RBFOX1: variants seen among roughly 807,000 people sequenced by gnomAD.
RBFOX1 encodes the protein RNA binding fox-1 homolog 1.
RBFOX1 carries 8 observed loss-of-function variants against 57.7 expected under a neutral mutation model. That is an observed-to-expected ratio of 0.14 (90% CI 0.08 to 0.25). The LOEUF is 0.25. Among genes scored for constraint, RBFOX1 ranks in the 10% least tolerant of loss-of-function variants. The pLI is 1.00. For missense variants in RBFOX1, 611 were observed against 548.5 expected (o/e 1.11, Z -1.14); for synonymous variants, 326 against 222.4 (o/e 1.47, Z -4.15).
At chr16:7,053,142 C>A (rs1476630824) in intron 4 of RBFOX1, among the ~76,000 whole-genome samples, 2 of 152,184 alleles carry the variant, frequency 1.3e-5, no homozygotes, top group African/African-American at 2.4e-5. Flanking sequence ...GAGTTGCTTC[C>A]ATTTCACAGT....
intron 3 of RBFOX1, among the ~76,000 whole-genome samples, chr16:6,973,993 G>A (rs1397933512): frequency 6.6e-6 from 1 of 152,070 alleles, no homozygotes; most frequent in Non-Finnish European, 1.5e-5. Context: ...TGTTCTCATT[G>A]TTCAGCTCTC....
At chr16:6,265,940 G>T (rs1271026865) in intron 1 of RBFOX1, among the ~76,000 whole-genome samples, 1 of 152,048 alleles carries the variant, frequency 6.6e-6, no homozygotes, top group Non-Finnish European at 1.5e-5. Flanking sequence ...ATCCTTCCTG[G>T]TATTGTGGGT....
chr16:6,463,873 C>T (rs1456149672), intron 2 of RBFOX1, among the ~76,000 whole-genome samples: 2 of 152,024 alleles, frequency 1.3e-5, no homozygotes, highest in African/African-American at 4.8e-5. Flanking sequence ...GCTCTCGCGC[C>T]CACCATGACC....
chr16:6,081,933 A>C (rs1006329762), intron 1 of RBFOX1, among the ~76,000 whole-genome samples: 3 of 152,134 alleles, frequency 2.0e-5, no homozygotes, highest in Non-Finnish European at 2.9e-5. Flanking sequence ...GTCCTGCATG[A>C]GTGGCTGGGA....
At chr16:5,877,988 C>A (rs2057659183) in intron 4 of RBFOX1, among the ~76,000 whole-genome samples, 1 of 152,196 alleles carries the variant, frequency 6.6e-6, no homozygotes. Context: ...TTGAGTCCCA[C>A]CTCCTACCTC....
At chr16:6,686,688 G>A (rs77199386) in intron 3 of RBFOX1, among the ~76,000 whole-genome samples, 3,251 of 152,194 alleles carry the variant, frequency 0.021, 57 homozygotes, top group Middle Eastern at 0.041. Flanking sequence ...CTTCTTTAAT[G>A]CTAAGGGAAC....
chr16:5,680,914 C>T (rs1414989147), intron 3 of RBFOX1, among the ~76,000 whole-genome samples: 1 of 150,462 alleles, frequency 6.6e-6, no homozygotes, highest in Admixed American at 6.7e-5. Context: ...TGTGTGTGTG[C>T]TTGGTTGGGG....
intron 3 of RBFOX1, among the ~76,000 whole-genome samples, chr16:6,746,011 A>T (rs182559198): frequency 4.6e-5 from 7 of 152,364 alleles, no homozygotes; most frequent in Non-Finnish European, 8.8e-5. Flanking sequence ...GCTTAAAAAT[A>T]TCATTTGCAA....
At chr16:6,670,270 A>G (rs534708457) in intron 3 of RBFOX1, among the ~76,000 whole-genome samples, 28 of 151,820 alleles carry the variant, frequency 1.8e-4, no homozygotes, top group African/African-American at 6.3e-4. Context: ...GGTTTTCCCT[A>G]TGTTGTCCAG....
At chr16:7,153,584 A>G (rs1015870839) in intron 4 of RBFOX1, among the ~76,000 whole-genome samples, 2 of 149,492 alleles carry the variant, frequency 1.3e-5, no homozygotes, top group African/African-American at 4.9e-5. Flanking sequence ...AAAAACAAAA[A>G]TTAGCCAGGC....
At chr16:7,015,415 A>G (rs886807982) in intron 3 of RBFOX1, among the ~76,000 whole-genome samples, 7 of 152,166 alleles carry the variant, frequency 4.6e-5, no homozygotes, top group African/African-American at 1.7e-4. Context: ...CGTATTATAG[A>G]CTTATGGAAT....
chr16:5,276,139 C>T (rs1169607811), intron 1 of RBFOX1, among the ~76,000 whole-genome samples: 4 of 152,092 alleles, frequency 2.6e-5, no homozygotes, highest in Non-Finnish European at 5.9e-5. Context: ...CAGTTCATAA[C>T]CAAGAACCCA....
At chr16:6,702,062 T>G (rs528922810) in intron 3 of RBFOX1, among the ~76,000 whole-genome samples, 7 of 152,196 alleles carry the variant, frequency 4.6e-5, no homozygotes, top group Non-Finnish European at 8.8e-5. Context: ...TTTACCTGTA[T>G]AACAAACCTG....
chr16:6,353,937 A>T (rs1599989278), intron 2 of RBFOX1, among the ~76,000 whole-genome samples: 1 of 152,126 alleles, frequency 6.6e-6, no homozygotes, highest in East Asian at 1.9e-4. Flanking sequence ...TTCTAGAAGC[A>T]TAAACACATA....
At chr16:7,580,209 A>G (rs1345219168) in intron 6 of RBFOX1, among the ~76,000 whole-genome samples, 5 of 152,162 alleles carry the variant, frequency 3.3e-5, no homozygotes, top group Non-Finnish European at 7.3e-5. Context: ...TGTTGAAGGA[A>G]GCCTATTGAT....
chr16:6,275,308 C>G (rs559736952), intron 1 of RBFOX1, among the ~76,000 whole-genome samples: 1 of 13,054 alleles, frequency 7.7e-5, no homozygotes, highest in African/African-American at 1.1e-4. Context: ...GAGACTCCAT[C>G]TCAAAAAAAA....
At chr16:6,137,028 T>C (rs2096672020) in intron 1 of RBFOX1, among the ~76,000 whole-genome samples, 1 of 152,240 alleles carries the variant, frequency 6.6e-6, no homozygotes, top group African/African-American at 2.4e-5. Context: ...CCCAACTTGC[T>C]TTTTTGTTTT....
At chr16:7,691,952 C>G (rs1019376269) in intron 14 of RBFOX1, among the ~76,000 whole-genome samples, 48 of 152,050 alleles carry the variant, frequency 3.2e-4, no homozygotes, top group Non-Finnish European at 5.9e-5. Context: ...TTTGTGCAGC[C>G]CAGAATATCA....
At chr16:7,692,889 A>ATTT (rs35856288) in intron 14 of RBFOX1, among the ~76,000 whole-genome samples, 1 of 150,436 alleles carries the variant, frequency 6.6e-6, no homozygotes, top group Non-Finnish European at 1.5e-5. Context: ...ACTTTTTCTT[A>ATTT]TTTTTTTTTG....
Sources: gnomAD v4.1 joint callset for allele counts (sites outside exome capture counted in the v4.1 genomes callset) on GRCh38, gnomAD v4.1.1 for gene constraint, MANE v1.5 for transcripts, NCBI Gene and HGNC (gene_info 2026-07-23, HGNC 2026-07-21) for gene names.